Variants in OR10R2 observed in about 807,000 individuals in gnomAD.
OR10R2 encodes the protein olfactory receptor family 10 subfamily R member 2, also known as olfactory receptor 10R2.
OR10R2 carries 1 observed loss-of-function variant against 2.4 expected under a neutral mutation model. That is an observed-to-expected ratio of 0.41 (90% CI 0.15 to 1.95). OR10R2 has a LOEUF of 1.95. Among genes scored for constraint, OR10R2 ranks in the 30% most tolerant of loss-of-function variants. The pLI is 0.30. For synonymous variants in OR10R2, 166 were observed against 144.8 expected (o/e 1.15, Z -1.05); for missense variants, 419 against 373.0 (o/e 1.12, Z -1.01).
In OR10R2 at chr1:158,479,962, G is replaced by A. The variant is rs749764136; in HGVS notation, c.52G>A (p.Val18Ile). 26 of 1,613,916 alleles carry A rather than the reference G, an allele frequency of 1.6e-5. No individual in the cohort carries two copies. Among genetic ancestry groups the A allele is most frequent in the Non-Finnish European group, 1.9e-5 (22 of 1,179,886 alleles). Residue 18 changes from valine to isoleucine, a missense_variant, in exon 2 of 2, where the codon GTC (valine) becomes ATC (isoleucine). Physicochemically the swap from Val to Ile is conservative, Grantham distance 29 (BLOSUM62 3). Coordinates refer to ENST00000641067, the Ensembl canonical transcript of OR10R2. ...GATCTTGGCAGAAAACCTCACCATG[G>A]TCACCGAATTCCTGTTGCTGGGTTT...
chr1:158,480,266 C>T, exon 2 of OR10R2: 1 of 1,614,098 alleles, frequency 6.2e-7, no homozygotes, highest in South Asian at 1.1e-5. Context: ...TTTGCCATTA[C>T]CAACTGCCTG....
intron 1 of OR10R2, among the ~76,000 whole-genome samples, chr1:158,475,110 T>C (rs149928807): frequency 2.2e-4 from 34 of 152,248 alleles, no homozygotes; most frequent in African/African-American, 7.0e-4. Context: ...TGTCTAAGGT[T>C]ACAGTCACCC....
At chr1:158,472,345 G>A in exon 1 of OR10R2, 1 of 399,032 alleles carries the variant, frequency 2.5e-6, no homozygotes, top group Non-Finnish European at 4.4e-6. Context: ...GTTCTGGGGA[G>A]CGAAGTAGTA....
rs1656347174 is a variant in OR10R2, at chr1:158,479,920, T to C, written c.28-18T>C. The C allele has an allele frequency of 1.2e-6, 2 of 1,613,510 alleles. No homozygotes were observed. The highest frequency in any genetic ancestry group is 1.7e-5 in the Admixed American group (1 of 59,940). Reference sequence around the variant, plus strand: ...ATTCACATACCTGAATATGTTTTACTTCTTTCCCCCTTTGCAGATCTTGGC... The same window carrying C: ...ATTCACATACCTGAATATGTTTTACCTCTTTCCCCCTTTGCAGATCTTGGC... On this transcript the variant is annotated intron_variant, in intron 1 of 1. Coordinates refer to ENST00000641067, the Ensembl canonical transcript of OR10R2.
At chr1:158,473,969 C>G (rs1259961533) in intron 1 of OR10R2, among the ~76,000 whole-genome samples, 1 of 135,844 alleles carries the variant, frequency 7.4e-6, no homozygotes, top group East Asian at 2.3e-4. Flanking sequence ...CTTTCTTTTT[C>G]TTTTCTTTCT....
In OR10R2 at chr1:158,478,491, A is replaced by T. The variant is rs562161437; in HGVS notation, c.28-1447A>T. ...AAAAAGTATTCTTGTCTTCTCTTAT[A>T]CTAAGATTTAATTAACTGTTACTAG... On this transcript the variant is annotated intron_variant, in intron 1 of 1. Coordinates refer to ENST00000641067, the Ensembl canonical transcript of OR10R2. Among the ~76,000 whole-genome samples, 12 of 152,282 alleles carry T rather than the reference A, an allele frequency of 7.9e-5. No homozygotes were observed. The South Asian group carries it at 2.5e-3, about 32-fold the overall frequency.
chr1:158,474,253 T>C (rs1350270125), intron 1 of OR10R2, among the ~76,000 whole-genome samples: 2 of 152,118 alleles, frequency 1.3e-5, no homozygotes, highest in Non-Finnish European at 2.9e-5. Flanking sequence ...CCTCCTATTC[T>C]CAGGCCCCTG....
intron 1 of OR10R2, among the ~76,000 whole-genome samples, chr1:158,478,244 T>C (rs1455301778): frequency 6.6e-6 from 1 of 152,158 alleles, no homozygotes; most frequent in Non-Finnish European, 1.5e-5. Flanking sequence ...ATATCAGCCT[T>C]GGCAAAGAAT....
Position 158,480,449 on chromosome 1 carries a change from C to G in OR10R2, c.539C>G (p.Ala180Gly), listed in dbSNP as rs772100056. 8.7e-6 allele frequency: 14 copies of G among 1,613,810 alleles called. No individual in the cohort carries two copies. The Admixed American group carries it at 2.0e-4, about 23-fold the overall frequency. The change falls in exon 2 of 2, where the codon GCC (alanine) becomes GGC (glycine). Residue 180 changes from alanine (A) to glycine (G), a missense_variant. Ala to Gly is a moderately conservative substitution (Grantham distance 60). Coordinates refer to ENST00000641067, the Ensembl canonical transcript of OR10R2. ...GTTTTCAGCCTCCCTTTTTGTAGCG[C>G]CAACAAAGTCAATCATTACTTCTGT...
At chr1:158,472,885 G>T (rs1345521600) in intron 1 of OR10R2, among the ~76,000 whole-genome samples, 1 of 151,986 alleles carries the variant, frequency 6.6e-6, no homozygotes, top group Non-Finnish European at 1.5e-5. Flanking sequence ...AGAAAGGAAA[G>T]AAATATTTAA....
exon 2 of OR10R2, chr1:158,480,602 T>G (rs751077391): frequency 2.0e-5 from 32 of 1,613,702 alleles, no homozygotes; most frequent in South Asian, 3.3e-5. Flanking sequence ...CTCTGCATTC[T>G]GAGGACTATC....
intron 1 of OR10R2, chr1:158,474,711 G>A (rs192450927): frequency 1.1e-3 from 173 of 152,272 alleles, no homozygotes; most frequent in African/African-American, 4.1e-3. Flanking sequence ...CACCTAGTAT[G>A]CATGCACACA....
chr1:158,476,115 T>G (rs1007746908), intron 1 of OR10R2, among the ~76,000 whole-genome samples: 32 of 152,144 alleles, frequency 2.1e-4, no homozygotes, highest in Non-Finnish European at 2.9e-4. Flanking sequence ...TATTTTCCCT[T>G]TGACCCAACA....
intron 1 of OR10R2, among the ~76,000 whole-genome samples, chr1:158,473,652 C>A (rs1656204442): frequency 6.6e-6 from 1 of 152,172 alleles, no homozygotes. Flanking sequence ...AATCTGGGAA[C>A]TGGAATAAAT....
intron 1 of OR10R2, among the ~76,000 whole-genome samples, chr1:158,474,837 G>A (rs1330834979): frequency 6.6e-6 from 1 of 151,984 alleles, no homozygotes; most frequent in African/African-American, 2.4e-5. Context: ...AACTGCTGGG[G>A]TTGAAACCTA....
rs537012569 is a variant in OR10R2 at position 158,472,246 on chromosome 1, G to T, written c.-80G>T. ...GTAAAATTACCAAGCAGGCATTGAT[G>T]CTAATGTGAACCAGAAAAAAAGCTC... is the stretch of plus-strand genomic sequence containing the variant. On this transcript the variant is annotated 5_prime_UTR_variant, in exon 1 of 2. It removes an upstream start codon present in the reference 5' UTR. Coordinates refer to ENST00000641067, the Ensembl canonical transcript of OR10R2. 2 of 398,674 alleles carry T rather than the reference G, an allele frequency of 5.0e-6. No individual in the cohort carries two copies. Among genetic ancestry groups the T allele is most frequent in the Non-Finnish European group, 4.4e-6 (1 of 225,960 alleles). 24.7% of individuals were successfully genotyped at this position (398,674 alleles called of 1,614,324 possible). A position where few individuals can be genotyped will look rare whatever the true frequency, so the allele number is the denominator to read the frequency against.
At chr1:158,476,742 T>C (rs10489831) in intron 1 of OR10R2, among the ~76,000 whole-genome samples, 28,560 of 152,014 alleles carry the variant, frequency 0.19, 2,814 homozygotes, top group South Asian at 0.22. Context: ...CATTTCAATG[T>C]GTAGATACAA....
In OR10R2 at chr1:158,480,458, T is replaced by A. The variant is rs148431806; in HGVS notation, c.548T>A (p.Val183Asp). 113 of 1,613,944 alleles carry A rather than the reference T, an allele frequency of 7.0e-5. 1 individual carries two copies. In the African/African-American group the frequency reaches 1.4e-3, roughly 20 times the overall value. The stretch of plus-strand genomic sequence containing the variant: ...CTCCCTTTTTGTAGCGCCAACAAAG[T>A]CAATCATTACTTCTGTGACATCTCA... The change falls in exon 2 of 2, where the codon GTC becomes GAC. Residue 183 changes from valine to aspartate, a missense_variant. By Grantham distance (152) the Val-to-Asp change is radical. Transcript: ENST00000641067.
intron 1 of OR10R2, among the ~76,000 whole-genome samples, chr1:158,478,515 A>G (rs1390846980): frequency 6.6e-6 from 1 of 152,234 alleles, no homozygotes; most frequent in African/African-American, 2.4e-5. Context: ...AACTGTTACT[A>G]GAAAATCAAA....
Sources: gnomAD v4.1 joint callset for allele counts (sites outside exome capture counted in the v4.1 genomes callset) on GRCh38, gnomAD v4.1.1 for gene constraint, MANE v1.5 for transcripts, NCBI Gene and HGNC (gene_info 2026-07-23, HGNC 2026-07-21) for gene names.